Variants in XIRP2 observed in about 807,000 individuals in gnomAD.
XIRP2 encodes xin actin binding repeat containing 2.
XIRP2 carries 236 observed loss-of-function variants against 277.0 expected under a neutral mutation model. The observed-to-expected ratio is 0.85, with a 90% CI of 0.77 to 0.95. The LOEUF is 0.95. XIRP2 is among the 40% of genes least tolerant of loss of function. The probability of loss-of-function intolerance (pLI) is 0.00; values close to 1 mark genes in which losing one functional copy is unlikely to be tolerated. For synonymous variants in XIRP2, 1,490 were observed against 1,416.5 expected (o/e 1.05, Z -1.17); for missense variants, 4,640 against 4,157.5 (o/e 1.12, Z -3.19).
chr2:166,966,465 G>T (rs1045537465), intron 2 of XIRP2, among the ~76,000 whole-genome samples: 3 of 151,644 alleles, frequency 2.0e-5, no homozygotes, highest in African/African-American at 7.3e-5. Flanking sequence ...ATATGTTTTA[G>T]TATACATATT....
chr2:166,915,804 T>A (rs1558914993), intron 2 of XIRP2, among the ~76,000 whole-genome samples: 1 of 152,214 alleles, frequency 6.6e-6, no homozygotes, highest in Admixed American at 6.5e-5. Flanking sequence ...CACTCACTGA[T>A]ATAATCAGGT....
chr2:167,114,015 C>T (rs995350188), intron 2 of XIRP2, among the ~76,000 whole-genome samples: 2 of 152,088 alleles, frequency 1.3e-5, no homozygotes, highest in Non-Finnish European at 2.9e-5. Flanking sequence ...TGATTTGTTT[C>T]CCTTTGTAGG....
intron 2 of XIRP2, among the ~76,000 whole-genome samples, chr2:167,042,252 T>A (rs1052889156): frequency 6.6e-6 from 1 of 152,072 alleles, no homozygotes; most frequent in African/African-American, 2.4e-5. Flanking sequence ...AGTACATACC[T>A]ACTGACACTA....
intron 2 of XIRP2, among the ~76,000 whole-genome samples, chr2:167,085,134 T>C (rs1489379821): frequency 3.0e-4 from 45 of 150,738 alleles, no homozygotes; most frequent in Non-Finnish European, 3.0e-5. Flanking sequence ...GAGATTCTGG[T>C]ATGTTGTGTC....
intron 2 of XIRP2, among the ~76,000 whole-genome samples, chr2:167,046,474 C>CAT (rs35251013): frequency 0.33 from 49,623 of 151,684 alleles, 9,681 homozygotes; most frequent in African/African-American, 0.53. Context: ...CACATGTATG[C>CAT]ATGCTCATCA....
chr2:167,254,200 C>G (rs1248194976), intron 10 of XIRP2, 35 bp downstream of exon 10: 25 of 1,595,164 alleles, frequency 1.6e-5, no homozygotes, highest in Non-Finnish European at 2.1e-5. Flanking sequence ...ACAAATATTC[C>G]AGGAGCTGCA....
intron 1 of XIRP2, among the ~76,000 whole-genome samples, chr2:166,899,150 G>A (rs1207277238): frequency 6.6e-6 from 1 of 152,022 alleles, no homozygotes; most frequent in Non-Finnish European, 1.5e-5. Flanking sequence ...TTTAGCTATA[G>A]TGTTTTGTAA....
intron 2 of XIRP2, among the ~76,000 whole-genome samples, chr2:166,988,022 G>A (rs912918677): frequency 6.6e-6 from 1 of 152,150 alleles, no homozygotes; most frequent in Non-Finnish European, 1.5e-5. Context: ...AATTGGGGCA[G>A]AAAAGAGACA....
At chr2:167,191,761 T>C (rs1476070219) in intron 3 of XIRP2, among the ~76,000 whole-genome samples, 3 of 152,218 alleles carry the variant, frequency 2.0e-5, no homozygotes, top group African/African-American at 4.8e-5. Flanking sequence ...TTCAAGTAGA[T>C]CTTTGTCTTT....
chr2:167,035,745 T>G (rs1292452179), intron 2 of XIRP2, among the ~76,000 whole-genome samples: 3 of 152,216 alleles, frequency 2.0e-5, no homozygotes. Flanking sequence ...CCCAAGACCA[T>G]GGAGAAAATG....
At chr2:166,968,267 T>C (rs1330856472) in intron 2 of XIRP2, among the ~76,000 whole-genome samples, 1 of 151,902 alleles carries the variant, frequency 6.6e-6, no homozygotes, top group Admixed American at 6.6e-5. Context: ...CAGTTCTGAA[T>C]CTTTTACATT....
At chr2:166,942,549 T>A (rs1685747864) in intron 2 of XIRP2, among the ~76,000 whole-genome samples, 1 of 152,206 alleles carries the variant, frequency 6.6e-6, no homozygotes, top group Non-Finnish European at 1.5e-5. Flanking sequence ...AGACTGTATG[T>A]TATGCTCCTT....
intron 2 of XIRP2, among the ~76,000 whole-genome samples, chr2:166,912,139 A>T (rs1404579928): frequency 2.0e-5 from 3 of 152,028 alleles, no homozygotes; most frequent in African/African-American, 7.3e-5. Context: ...TATTTCCTGA[A>T]TTTGAATATT....
chr2:167,026,752 T>C (rs1688173079), intron 2 of XIRP2, among the ~76,000 whole-genome samples: 1 of 151,982 alleles, frequency 6.6e-6, no homozygotes, highest in Non-Finnish European at 1.5e-5. Flanking sequence ...GGGTTGAAAA[T>C]TCTTTTCTTT....
chr2:167,049,636 A>G (rs1688869684), intron 2 of XIRP2, among the ~76,000 whole-genome samples: 1 of 152,032 alleles, frequency 6.6e-6, no homozygotes, highest in Non-Finnish European at 1.5e-5. Flanking sequence ...AATTCTCTGC[A>G]CAGAAACTAC....
rs888946486 is a variant in XIRP2, at chr2:167,253,000, G to T, written c.10556-1032G>T. On this transcript the variant is annotated intron_variant, in intron 9 of 10. Transcript: ENST00000409195. ...ACACATAGAACATACAAAGAAACTT[G>T]TGATAAACATAAAAATGTGTCCTCT... 5.3e-5 allele frequency among the ~76,000 whole-genome samples: 8 copies of T among 151,822 alleles called. No individual in the cohort carries two copies. In the East Asian group the frequency reaches 1.6e-3, roughly 30 times the overall value.
At chr2:167,048,955 C>T (rs1688853439) in intron 2 of XIRP2, among the ~76,000 whole-genome samples, 1 of 151,950 alleles carries the variant, frequency 6.6e-6, no homozygotes, top group Non-Finnish European at 1.5e-5. Context: ...CTGCCCAGCA[C>T]TGTAAAATTG....
rs112043024 is a variant in XIRP2 at position 166,979,682 on chromosome 2, G to T, written c.408+75792G>T. On this transcript the variant is annotated intron_variant, in intron 2 of 10. Coordinates refer to ENST00000409195, the MANE Select transcript of XIRP2 (RefSeq NM_152381.6). Reference sequence around the variant, plus strand: ...CTATATGTTATTAATCTGATGAATTGTATTGACAGCTTTTTTAGTCTTAAG... The same window carrying T: ...CTATATGTTATTAATCTGATGAATTTTATTGACAGCTTTTTTAGTCTTAAG... Among the ~76,000 whole-genome samples the T allele has an allele frequency of 7.0e-4, 106 of 152,192 alleles. 1 individual carries two copies. Among genetic ancestry groups the T allele is most frequent in the African/African-American group, 2.5e-3 (104 of 41,540 alleles).
At chr2:166,985,140 C>T (rs1686968515) in intron 2 of XIRP2, among the ~76,000 whole-genome samples, 1 of 152,154 alleles carries the variant, frequency 6.6e-6, no homozygotes, top group Admixed American at 6.5e-5. Flanking sequence ...TGGGGTAATG[C>T]TAAACACATA....
Sources: allele counts gnomAD v4.1 joint callset (sites outside exome capture counted in the v4.1 genomes callset), GRCh38; gene constraint gnomAD v4.1.1; transcripts MANE v1.5; gene names NCBI Gene and HGNC (gene_info 2026-07-23, HGNC 2026-07-21).